CREB5: variants seen among roughly 807,000 people sequenced by gnomAD.
CREB5 encodes the protein cyclic AMP-responsive element-binding protein 5.
CREB5 carries 19 observed loss-of-function variants against 57.1 expected under a neutral mutation model. That is an observed-to-expected ratio of 0.33 (90% confidence interval 0.23 to 0.49). CREB5 has a LOEUF of 0.49. Ranked by LOEUF, CREB5 falls within the 20% of genes least tolerant of loss-of-function variation. The pLI is 0.99. For missense variants in CREB5, 579 were observed against 671.6 expected, an observed-to-expected ratio of 0.86 and a Z score of 1.52; for synonymous variants, 238 against 238.3, an observed-to-expected ratio of 1.00 and a Z score of 0.01.
intron 1 of CREB5, among the ~76,000 whole-genome samples, chr7:28,316,124 T>A (rs552744776): frequency 6.6e-6 from 1 of 152,150 alleles, no homozygotes; most frequent in African/African-American, 2.4e-5. Context: ...TGGGATGCCA[T>A]TGCGATTCTG....
At chr7:28,694,004 G>A (rs142412357) in intron 5 of CREB5, among the ~76,000 whole-genome samples, 40 of 152,304 alleles carry the variant, frequency 2.6e-4, no homozygotes, top group Admixed American at 5.2e-4. Context: ...GTCAGAAAAC[G>A]AGGTTTCAGC....
At chr7:28,742,901 G>T (rs1444184918) in intron 7 of CREB5, among the ~76,000 whole-genome samples, 1 of 152,058 alleles carries the variant, frequency 6.6e-6, no homozygotes, top group Non-Finnish European at 1.5e-5. Context: ...TCCTGCTTCA[G>T]ACTCCTGAGT....
At chr7:28,483,633 CG>C (rs1254823834) in intron 1 of CREB5, among the ~76,000 whole-genome samples, 1 of 152,126 alleles carries the variant, frequency 6.6e-6, no homozygotes, top group Non-Finnish European at 1.5e-5. Context: ...CCAAAGGTAT[CG>C]GACTACTCAG....
At chr7:28,301,703 A>C (rs1231771022) in intron 1 of CREB5, among the ~76,000 whole-genome samples, 1 of 152,230 alleles carries the variant, frequency 6.6e-6, no homozygotes, top group African/African-American at 2.4e-5. Flanking sequence ...TGCCAGTCCT[A>C]ATCTTAGAAT....
At chr7:28,525,537 A>G (rs578160065) in intron 4 of CREB5, among the ~76,000 whole-genome samples, 2 of 152,196 alleles carry the variant, frequency 1.3e-5, no homozygotes, top group South Asian at 4.2e-4. Context: ...AAGTAAGATG[A>G]TATCTCATTG....
chr7:28,458,363 G>A (rs948091703), intron 1 of CREB5, among the ~76,000 whole-genome samples: 1 of 152,160 alleles, frequency 6.6e-6, no homozygotes, highest in Non-Finnish European at 1.5e-5. Flanking sequence ...GGCAGAATTG[G>A]GGCCTAGCTT....
chr7:28,453,958 C>CTTTTTTTTTTTTTTTTTTTT (rs70977045), intron 1 of CREB5, among the ~76,000 whole-genome samples: 3 of 132,576 alleles, frequency 2.3e-5, no homozygotes, highest in Admixed American at 7.9e-5. Context: ...CTCTCCAATT[C>CTTTTTTTTTTTTTTTTTTTT]TTTTTTTTTT....
intron 5 of CREB5, among the ~76,000 whole-genome samples, chr7:28,680,300 T>C (rs1027920227): frequency 6.6e-6 from 1 of 152,148 alleles, no homozygotes; most frequent in Non-Finnish European, 1.5e-5. Context: ...TTGGACATCA[T>C]CAGTTGGGTT....
At chr7:28,524,027 C>G (rs1793319793) in intron 4 of CREB5, among the ~76,000 whole-genome samples, 1 of 152,184 alleles carries the variant, frequency 6.6e-6, no homozygotes. Flanking sequence ...TGAAGAATTA[C>G]TGGAATGAGT....
chr7:28,575,527 C>T (rs571401101), intron 5 of CREB5, among the ~76,000 whole-genome samples: 4 of 152,226 alleles, frequency 2.6e-5, no homozygotes, highest in Non-Finnish European at 4.4e-5. Context: ...GTAAGACTGT[C>T]GCTATCTACC....
intron 4 of CREB5, among the ~76,000 whole-genome samples, chr7:28,560,919 T>TGCGTGCGCGCGTGCGCGTGC (rs1562797827): frequency 2.3e-5 from 1 of 42,990 alleles, no homozygotes; most frequent in Non-Finnish European, 4.5e-5. Flanking sequence ...CGTGTGCGTG[T>TGCGTGCGCGCGTGCGCGTGC]GTGCGCGTGC....
intron 5 of CREB5, among the ~76,000 whole-genome samples, chr7:28,657,214 G>A (rs1468733969): frequency 6.6e-6 from 1 of 152,132 alleles, no homozygotes; most frequent in Non-Finnish European, 1.5e-5. Context: ...GCCATGTGTT[G>A]GAGAAGTAGG....
In CREB5 at chr7:28,819,227, C is replaced by T. The variant is rs1383996530; in HGVS notation, c.1475C>T (p.Ser492Phe). ...TCGGTCAGCGAGGTGGTAGGAAGCT[C>T]CACCCTCAGCCAGCTCACCACTCAC... ...SSSVSEVVGS[S>F]TLSQLTTHRT... The change falls in exon 11 of 11, where the codon TCC (serine) becomes TTC (phenylalanine). Residue 492 changes from serine to phenylalanine, a missense_variant. This residue lies in a region of CREB5 where 114 missense variants were observed against 130.8 expected (regional missense o/e 0.87). Transcript: ENST00000357727. The T allele has an allele frequency of 6.2e-7, 1 of 1,613,858 alleles. No individual in the cohort carries two copies. The highest frequency in any genetic ancestry group is 8.5e-7 in the Non-Finnish European group (1 of 1,179,870).
At chr7:28,772,178 A>G (rs938604456) in intron 7 of CREB5, among the ~76,000 whole-genome samples, 1 of 152,232 alleles carries the variant, frequency 6.6e-6, no homozygotes, top group Non-Finnish European at 1.5e-5. Flanking sequence ...TGAATTTGGC[A>G]GAATCTCTCT....
intron 5 of CREB5, among the ~76,000 whole-genome samples, chr7:28,689,626 CACAT>C (rs919854852): frequency 2.0e-5 from 3 of 152,240 alleles, no homozygotes; most frequent in Middle Eastern, 3.4e-3. Context: ...TATGAACAAG[CACAT>C]ACAGTTTTGC....
At chr7:28,680,768 C>CAAA (rs539406574) in intron 5 of CREB5, among the ~76,000 whole-genome samples, 12 of 134,170 alleles carry the variant, frequency 8.9e-5, no homozygotes, top group Admixed American at 2.2e-4. Flanking sequence ...CAACCTATCT[C>CAAA]AAAAAAAAAA....
rs561459123 is a variant in CREB5 at position 28,624,859 on chromosome 7, G to C, written c.464+54322G>C. ...GGGTCAGTGAGTGCTTGGAGCATCA[G>C]CTTCAGAGCCAGGCAATCCTAGGTT... is the stretch of plus-strand genomic sequence containing the variant. On this transcript the variant is annotated intron_variant, in intron 5 of 10. Coordinates refer to ENST00000357727, the MANE Select transcript of CREB5 (RefSeq NM_182898.4). Among the ~76,000 whole-genome samples the C allele has an allele frequency of 4.6e-5, 7 of 152,172 alleles. No individual in the cohort carries two copies. The South Asian group carries it at 1.5e-3, about 32-fold the overall frequency.
intron 7 of CREB5, among the ~76,000 whole-genome samples, chr7:28,747,477 C>A (rs559028779): frequency 2.0e-5 from 3 of 152,292 alleles, no homozygotes; most frequent in African/African-American, 7.2e-5. Context: ...GGAGTTACAG[C>A]AAATTCCCTT....
chr7:28,792,303 CA>C (rs201519875), intron 7 of CREB5, among the ~76,000 whole-genome samples: 5 of 133,064 alleles, frequency 3.8e-5, no homozygotes, highest in African/African-American at 8.5e-5. Context: ...GACTCTGTCT[CA>C]AAAAAAAATT....
Sources: gnomAD v4.1 joint callset for allele counts (sites outside exome capture counted in the v4.1 genomes callset) on GRCh38, gnomAD v4.1.1 for gene constraint, gnomAD v4.1.1 regional missense constraint, MANE v1.5 for transcripts, NCBI Gene and HGNC (gene_info 2026-07-23, HGNC 2026-07-21) for gene names.